The following ARID5B variants were observed in gnomAD, a reference collection of about 807,000 sequenced individuals.
The protein encoded by ARID5B is AT-rich interactive domain-containing protein 5B.
ARID5B carries 13 observed loss-of-function variants against 97.2 expected under a neutral mutation model. The observed-to-expected ratio is 0.13, with a 90% CI of 0.09 to 0.21. The LOEUF (loss-of-function observed/expected upper bound fraction) is 0.21. Among genes scored for constraint, ARID5B ranks in the 10% least tolerant of loss-of-function variants. The pLI is 1.00. For synonymous variants in ARID5B, 556 were observed against 570.3 expected, an observed-to-expected ratio of 0.97 and a Z score of 0.36; for missense variants, 1,210 against 1,465.3, an observed-to-expected ratio of 0.83 and a Z score of 2.84.
intron 3 of ARID5B, among the ~76,000 whole-genome samples, chr10:61,985,524 T>A (rs1250183893): frequency 6.6e-6 from 1 of 152,066 alleles, no homozygotes; most frequent in Non-Finnish European, 1.5e-5. Flanking sequence ...AATAGGCAAG[T>A]CTATACAGAC....
At chr10:61,988,569 C>A (rs1838877828) in intron 3 of ARID5B, among the ~76,000 whole-genome samples, 1 of 152,180 alleles carries the variant, frequency 6.6e-6, no homozygotes, top group African/African-American at 2.4e-5. Context: ...GGTATCAGAA[C>A]AATGAAATAA....
intron 2 of ARID5B, among the ~76,000 whole-genome samples, chr10:61,909,207 T>C (rs1786108651): frequency 6.6e-6 from 1 of 152,136 alleles, no homozygotes; most frequent in African/African-American, 2.4e-5. Flanking sequence ...TCTTTTCCTT[T>C]ACCTTGTCAC....
intron 9 of ARID5B, among the ~76,000 whole-genome samples, chr10:62,090,612 T>C (rs1482631888): frequency 6.6e-6 from 1 of 152,216 alleles, no homozygotes; most frequent in Non-Finnish European, 1.5e-5. Context: ...CAGTACATAA[T>C]ACTTTGCTAT....
At chr10:61,908,197 G>T (rs1843736659) in intron 2 of ARID5B, among the ~76,000 whole-genome samples, 1 of 152,134 alleles carries the variant, frequency 6.6e-6, no homozygotes. Context: ...TCTATTTTGA[G>T]TTAATAAAAA....
chr10:62,027,210 G>C (rs949232070), intron 4 of ARID5B, among the ~76,000 whole-genome samples: 1 of 140,370 alleles, frequency 7.1e-6, no homozygotes, highest in Non-Finnish European at 1.5e-5. Flanking sequence ...CAGCCTCCTT[G>C]AATCTGTCCA....
intron 3 of ARID5B, among the ~76,000 whole-genome samples, chr10:61,963,403 T>C (rs1838499822): frequency 6.6e-6 from 1 of 152,140 alleles, no homozygotes; most frequent in African/African-American, 2.4e-5. Flanking sequence ...ATGGCAGAGA[T>C]ACTGAAAGGG....
intron 4 of ARID5B, chr10:62,049,536 T>G: frequency 6.5e-7 from 1 of 1,549,966 alleles, no homozygotes. Flanking sequence ...TGTTTACCTT[T>G]GGTAATTCCA....
At chr10:62,071,469 T>C in intron 8 of ARID5B, among the ~76,000 whole-genome samples, 1 of 151,844 alleles carries the variant, frequency 6.6e-6, no homozygotes. Flanking sequence ...CAATTAAAGC[T>C]TGAAAAAGGA....
At chr10:61,989,804 C>G (rs1838897589) in intron 3 of ARID5B, among the ~76,000 whole-genome samples, 1 of 152,180 alleles carries the variant, frequency 6.6e-6, no homozygotes, top group Non-Finnish European at 1.5e-5. Flanking sequence ...TAAGCTTCCT[C>G]TTGAACAGAA....
chr10:61,949,647 C>G (rs373799412), intron 3 of ARID5B, among the ~76,000 whole-genome samples: 12 of 152,148 alleles, frequency 7.9e-5, no homozygotes, highest in African/African-American at 2.6e-4. Context: ...ACACCACCCC[C>G]CCACGCCCCC....
chr10:62,089,461 TCCTG>T (rs199683127), intron 9 of ARID5B, among the ~76,000 whole-genome samples: 7,691 of 151,010 alleles, frequency 0.051, 251 homozygotes, highest in Non-Finnish European at 0.08. Context: ...CTTCCTTCCT[TCCTG>T]CCTGCCTGCC....
chr10:62,039,281 A>G (rs919613845), intron 4 of ARID5B, among the ~76,000 whole-genome samples: 2 of 152,250 alleles, frequency 1.3e-5, no homozygotes, highest in Admixed American at 6.5e-5. Flanking sequence ...TTAGTACAAT[A>G]TAAGTATGAT....
Position 62,094,212 on chromosome 10 carries a change from CT to C in ARID5B, c.*1185del, listed in dbSNP as rs1262256299. ...TTTACATTGGCGTTGGCACTGATTCCTTTAAATGGTCTGGGAAAGGGGGTTG... is the reference window on the plus strand; with the variant it reads ...TTTACATTGGCGTTGGCACTGATTCCTTAAATGGTCTGGGAAAGGGGGTTG... On this transcript the variant is annotated 3_prime_UTR_variant, in exon 10 of 10. Transcript: ENST00000279873. 7.7e-5 allele frequency: 18 copies of C among 232,336 alleles called. No individual in the cohort carries two copies. Among genetic ancestry groups the C allele is most frequent in the African/African-American group, 1.1e-4 (5 of 45,298 alleles). 14.4% of individuals were successfully genotyped at this position (232,336 alleles called of 1,614,324 possible).
At chr10:61,904,196 C>T (rs562750720) in intron 2 of ARID5B, among the ~76,000 whole-genome samples, 60 of 151,810 alleles carry the variant, frequency 4.0e-4, no homozygotes, top group Non-Finnish European at 7.9e-4. Flanking sequence ...CAGAAAAGAA[C>T]TGGTGCTTAA....
intron 7 of ARID5B, among the ~76,000 whole-genome samples, chr10:62,067,625 T>C (rs1026288654): frequency 6.6e-6 from 1 of 152,230 alleles, no homozygotes; most frequent in Admixed American, 6.5e-5. Context: ...TACCAACTTG[T>C]TACAAGCATG....
intron 4 of ARID5B, among the ~76,000 whole-genome samples, chr10:62,026,182 T>A (rs1195278063): frequency 6.6e-6 from 1 of 152,228 alleles, no homozygotes; most frequent in Non-Finnish European, 1.5e-5. Flanking sequence ...CACAACCATA[T>A]GAAACAACTG....
intron 4 of ARID5B, among the ~76,000 whole-genome samples, chr10:62,017,451 C>CG (rs932476942): frequency 2.7e-5 from 4 of 146,468 alleles, no homozygotes; most frequent in Non-Finnish European, 6.0e-5. Context: ...GACCCCGTCT[C>CG]GAAAAAAAAA....
chr10:61,992,749 TTA>T (rs1838944021), intron 3 of ARID5B, among the ~76,000 whole-genome samples: 1 of 152,210 alleles, frequency 6.6e-6, no homozygotes, highest in Admixed American at 6.5e-5. Context: ...CCTTGTTCTG[TTA>T]TGTTAAAAGT....
At chr10:61,935,096 A>G (rs915848598) in intron 2 of ARID5B, among the ~76,000 whole-genome samples, 13 of 152,078 alleles carry the variant, frequency 8.5e-5, no homozygotes, top group African/African-American at 2.9e-4. Flanking sequence ...AATTACCAAA[A>G]TGTGACCTGG....
Sources: gnomAD v4.1 joint callset for allele counts (sites outside exome capture counted in the v4.1 genomes callset) on GRCh38, gnomAD v4.1.1 for gene constraint, MANE v1.5 for transcripts, NCBI Gene and HGNC (gene_info 2026-07-23, HGNC 2026-07-21) for gene names.